Variants in PLAGL1 observed in about 807,000 individuals in gnomAD.
PLAGL1 encodes zinc finger protein PLAGL1.
Under a neutral mutation model 4.6 loss-of-function variants are expected in PLAGL1, and 1 was observed. That is an observed-to-expected ratio of 0.22 (90% CI 0.08 to 1.03). PLAGL1 has a LOEUF of 1.03. Among genes scored for constraint, PLAGL1 ranks in the 50% least tolerant of loss-of-function variants. PLAGL1 has a pLI of 0.58. For synonymous variants in PLAGL1, 240 were observed against 237.8 expected (o/e 1.01, Z -0.08); for missense variants, 464 against 570.4 (o/e 0.81, Z 1.90).
At position 143,941,804 on chromosome 6, in the gene PLAGL1, C is replaced by T. The variant is rs1207634761; in HGVS notation, c.1012G>A (p.Glu338Lys). ...ISLFEDLPLQ[E>K]PQSPQKLNPG... ...TTGAGCTTTTGAGGTGACTGAGGCTCTTGCAGAGGCAAGTCCTCAAACAAA... is the reference window on the plus strand; with the variant it reads ...TTGAGCTTTTGAGGTGACTGAGGCTTTTGCAGAGGCAAGTCCTCAAACAAA... The change falls in exon 8 of 8, where the codon GAG becomes AAG. Residue 338 changes from glutamate (E) to lysine (K), a missense_variant. Coordinates refer to ENST00000674357, the MANE Select transcript of PLAGL1 (RefSeq NM_001317162.2). The surrounding 1 kb of genome is among the most constrained non-coding windows in gnomAD (Gnocchi z 6.0). The T allele has an allele frequency of 1.2e-6, 2 of 1,614,140 alleles. No homozygotes were observed. Among genetic ancestry groups the T allele is most frequent in the African/African-American group, 2.7e-5 (2 of 74,952 alleles).
At chr6:143,980,427 A>G (rs1205178893) in intron 2 of PLAGL1, among the ~76,000 whole-genome samples, 1 of 130,370 alleles carries the variant, frequency 7.7e-6, no homozygotes, top group African/African-American at 2.9e-5. Context: ...CTCATTTTGT[A>G]TAATTGCTAT....
At chr6:144,037,211 C>G (rs968704396) in intron 1 of PLAGL1, 1 of 153,378 alleles carries the variant, frequency 6.5e-6, no homozygotes, top group African/African-American at 2.4e-5. Flanking sequence ...AGACAACTCT[C>G]TAAAACAGAG....
intron 2 of PLAGL1, among the ~76,000 whole-genome samples, chr6:143,977,510 A>G (rs556433654): frequency 5.1e-5 from 6 of 117,246 alleles, no homozygotes; most frequent in Admixed American, 2.6e-4. Flanking sequence ...GTCTGGCTCA[A>G]TCGCCCAGAC....
rs373156842 is a variant in PLAGL1 at position 143,942,099 on chromosome 6, C to T, written c.717G>A (p.Leu239=). The T allele has an allele frequency of 8.7e-6, 14 of 1,614,032 alleles. No individual in the cohort carries two copies. Among genetic ancestry groups the T allele is most frequent in the Middle Eastern group, 3.3e-4 (2 of 6,062 alleles). ...CAGAAGCTCCTAAAGGGAAAGGAGG[C>T]AAGGCAGCAGCCTTCAGTTGGAATG... The part of the protein sequence containing the change: ...SPSFQLKAAA[L]PPFPLGASAQ... The change falls in exon 8 of 8, where the codon TTG becomes TTA. Residue 239 remains leucine, a synonymous_variant. Coordinates refer to ENST00000674357, the MANE Select transcript of PLAGL1 (RefSeq NM_001317162.2). The surrounding 1 kb of genome is among the most constrained non-coding windows in gnomAD (Gnocchi z 7.6).
chr6:143,990,008 T>C lies in PLAGL1; in HGVS notation c.-583-4834A>G, dbSNP rs1790087351. Among the ~76,000 whole-genome samples, 1 of 152,206 alleles carries C rather than the reference T, an allele frequency of 6.6e-6. No homozygotes were observed. The highest frequency in any genetic ancestry group is 1.5e-5 in the Non-Finnish European group (1 of 68,030). On this transcript the variant is annotated intron_variant, in intron 1 of 7. Transcript: ENST00000674357. The surrounding 1 kb of genome is among the most constrained non-coding windows in gnomAD (Gnocchi z 5.4). ...TATCCACAGGAGGATGCACCCTCCCTAAAACCAGAGGCCAACTCCACCTCT... is the reference window on the plus strand; with the variant it reads ...TATCCACAGGAGGATGCACCCTCCCCAAAACCAGAGGCCAACTCCACCTCT...
In PLAGL1 at chr6:143,941,899, G is replaced by A. The variant is rs767601739; in HGVS notation, c.917C>T (p.Thr306Ile). The change falls in exon 8 of 8, where the codon ACT (threonine) becomes ATT (isoleucine). Residue 306 changes from threonine to isoleucine, a missense_variant. By Grantham distance (89) the Thr-to-Ile change is moderately conservative. Coordinates refer to ENST00000674357, the MANE Select transcript of PLAGL1 (RefSeq NM_001317162.2). This position sits in a 1 kb window ranked among gnomAD's most constrained non-coding sequence, Gnocchi z 6.0. Reference protein sequence around the residue: ...PPLPNHKYNTTSTSYSPLASL... With the variant: ...PPLPNHKYNTISTSYSPLASL... Reference sequence around the variant, plus strand: ...TGCAAGTGGGGAGTATGAGGTAGAAGTGGTGTTGTACTTGTGATTGGGAAG... The same window carrying A: ...TGCAAGTGGGGAGTATGAGGTAGAAATGGTGTTGTACTTGTGATTGGGAAG... 6.2e-7 allele frequency: 1 copy of A among 1,613,854 alleles called. No individual in the cohort carries two copies. Among genetic ancestry groups the A allele is most frequent in the East Asian group, 2.2e-5 (1 of 44,880 alleles).
At position 143,952,043 on chromosome 6, in the gene PLAGL1, G is replaced by A. The variant is rs1184745705; in HGVS notation, c.-324-3583C>T. Among the ~76,000 whole-genome samples, 1 of 152,002 alleles carries A rather than the reference G, an allele frequency of 6.6e-6. No homozygotes were observed. The highest frequency in any genetic ancestry group is 1.5e-5 in the Non-Finnish European group (1 of 68,000). Reference sequence around the variant, plus strand: ...TAATAATAAACTTCTGTAAAAACAAGACTGTCTACCCCAACAGACTATAAA... The same window carrying A: ...TAATAATAAACTTCTGTAAAAACAAAACTGTCTACCCCAACAGACTATAAA... On this transcript the variant is annotated intron_variant, in intron 6 of 7. Transcript: ENST00000674357. The surrounding 1 kb of genome is among the most constrained non-coding windows in gnomAD (Gnocchi z 6.1).
intron 1 of PLAGL1, among the ~76,000 whole-genome samples, chr6:144,025,988 C>T (rs936232845): frequency 1.3e-5 from 2 of 152,126 alleles, no homozygotes; most frequent in African/African-American, 2.4e-5. Context: ...ATATATAACA[C>T]GAATACTAAG....
rs1799210829 is a variant in PLAGL1 at position 144,059,217 on chromosome 6, C to G, written c.-151+5251G>C. ...TTATGGCACCTTGCACTCCCCAAAG[C>G]CACAGCCGGAGCTCTACCTGGGGCC... On this transcript the variant is annotated intron_variant, in intron 1 of 3. Coordinates refer to the PLAGL1 transcript ENST00000437412. The surrounding 1 kb of genome is among the most constrained non-coding windows in gnomAD (Gnocchi z 4.9). 6.6e-6 allele frequency among the ~76,000 whole-genome samples: 1 copy of G among 152,248 alleles called. No individual in the cohort carries two copies.
Position 143,941,832 on chromosome 6 carries a change from G to T in PLAGL1, c.984C>A (p.Ile328=). Residue 328 remains isoleucine (I), a synonymous_variant, in exon 8 of 8, where the codon ATC becomes ATA. Transcript: ENST00000674357. This position sits in a 1 kb window ranked among gnomAD's most constrained non-coding sequence, Gnocchi z 6.0. ...GCAGAGGCAAGTCCTCAAACAAACT[G>T]ATATTGCAAAAACCTTTAGTATCTG... ...LKADTKGFCN[I]SLFEDLPLQE... 1 of 1,614,194 alleles carries T rather than the reference G, an allele frequency of 6.2e-7. No individual in the cohort carries two copies. Among genetic ancestry groups the T allele is most frequent in the Non-Finnish European group, 8.5e-7 (1 of 1,180,026 alleles).
Position 144,027,223 on chromosome 6 carries a change from C to CAAAGAATGAAAGAAAGAAAGAAAG in PLAGL1, c.-151+37244_-151+37245insCTTTCTTTCTTTCTTTCATTCTTT, listed in dbSNP as rs1194756749. The stretch of plus-strand genomic sequence containing the variant: ...TGGGTGACAGAGAAAGACCCCAACT[C>CAAAGAATGAAAGAAAGAAAGAAAG]AAAGAACGAACGAAAGAAAGAAAGA... On this transcript the variant is annotated intron_variant, in intron 1 of 3. Coordinates refer to the PLAGL1 transcript ENST00000437412. The surrounding 1 kb of genome is among the most constrained non-coding windows in gnomAD (Gnocchi z 5.8). Among the ~76,000 whole-genome samples the CAAAGAATGAAAGAAAGAAAGAAAG allele has an allele frequency of 2.1e-5, 2 of 96,702 alleles. No individual in the cohort carries two copies. The highest frequency in any genetic ancestry group is 1.0e-4 in the Admixed American group (1 of 9,626). 63.4% of individuals were successfully genotyped at this position (96,702 alleles called of 152,430 possible).
intron 1 of PLAGL1, among the ~76,000 whole-genome samples, chr6:143,991,058 CTTAG>C (rs1790367509): frequency 6.6e-6 from 1 of 152,146 alleles, no homozygotes; most frequent in South Asian, 2.1e-4. Flanking sequence ...TTCATTGTTT[CTTAG>C]TTGTTTCCAT....
rs554586590 is a variant in PLAGL1, at chr6:143,974,398, G to T, written c.-543-5420C>A. 3.2e-3 allele frequency among the ~76,000 whole-genome samples: 427 copies of T among 132,882 alleles called. 2 individuals are homozygous for T. The highest frequency in any genetic ancestry group is 0.012 in the African/African-American group (413 of 35,468). The allele number at this position is 132,882 out of a possible 152,430, so 87.2% of individuals were successfully genotyped here. A position where few individuals can be genotyped will look rare whatever the true frequency, so the allele number is the denominator to read the frequency against. ...GTACTGATCTCGGTGGTGGGGTTGCGGGGGAGGTCACCAGTGACCTCCAGG... is the reference window on the plus strand; with the variant it reads ...GTACTGATCTCGGTGGTGGGGTTGCTGGGGAGGTCACCAGTGACCTCCAGG... On this transcript the variant is annotated intron_variant, in intron 2 of 7. Transcript: ENST00000674357.
chr6:143,997,002 C>T lies in PLAGL1; in HGVS notation c.-584+11088G>A, dbSNP rs1029287363. 7.9e-5 allele frequency among the ~76,000 whole-genome samples: 12 copies of T among 151,916 alleles called. No homozygotes were observed. The highest frequency in any genetic ancestry group is 1.6e-4 in the Non-Finnish European group (11 of 67,992). On this transcript the variant is annotated intron_variant, in intron 1 of 7. Coordinates refer to ENST00000674357, the MANE Select transcript of PLAGL1 (RefSeq NM_001317162.2). The surrounding 1 kb of genome is among the most constrained non-coding windows in gnomAD (Gnocchi z 4.6). ...GACAAAAGACAAACCACTAAAAACC[C>T]GATAAACTGGATTTCATTAAGACAC...
At chr6:144,057,768 G>A (rs1000136884) in intron 1 of PLAGL1, among the ~76,000 whole-genome samples, 1 of 131,968 alleles carries the variant, frequency 7.6e-6, no homozygotes, top group African/African-American at 2.8e-5. Context: ...ACACCACCAC[G>A]CCTCACCATT....
At chr6:144,038,717 AAATC>A (rs1797472430) in intron 1 of PLAGL1, among the ~76,000 whole-genome samples, 4 of 152,262 alleles carry the variant, frequency 2.6e-5, no homozygotes, top group Admixed American at 2.6e-4. Context: ...CTGTGTGAAG[AAATC>A]AATCACAAAG....
At chr6:143,956,443 G>A (rs904098732) in intron 6 of PLAGL1, among the ~76,000 whole-genome samples, 1 of 152,138 alleles carries the variant, frequency 6.6e-6, no homozygotes, top group Admixed American at 6.5e-5. Flanking sequence ...GGCCTATGGT[G>A]ATAAAAATGA....
rs376585306 is a variant in PLAGL1, at chr6:144,048,518, C to G, written c.-151+15950G>C. On this transcript the variant is annotated intron_variant, in intron 1 of 3. Coordinates refer to the PLAGL1 transcript ENST00000437412. The surrounding 1 kb of genome is among the most constrained non-coding windows in gnomAD (Gnocchi z 4.8). ...CAAACCTTGATTCTTGACTTCTGTG[C>G]ACCCTCAGACCCAACACTATATGGA... Among the ~76,000 whole-genome samples the G allele has an allele frequency of 3.0e-4, 45 of 152,364 alleles. 1 individual carries two copies. In the East Asian group the frequency reaches 8.3e-3, roughly 28 times the overall value.
Position 143,962,289 on chromosome 6 carries a change from A to G in PLAGL1, c.-398-1747T>C, listed in dbSNP as rs1228464136. On this transcript the variant is annotated intron_variant, in intron 5 of 7. Coordinates refer to ENST00000674357, the MANE Select transcript of PLAGL1 (RefSeq NM_001317162.2). This position sits in a 1 kb window ranked among gnomAD's most constrained non-coding sequence, Gnocchi z 5.3. ...GGATGCTACTTGCAGATTGCTTTTC[A>G]GGTCAGAATTTAGATTTCTAAAGCA... 6.6e-6 allele frequency among the ~76,000 whole-genome samples: 1 copy of G among 152,250 alleles called. No homozygotes were observed. Among genetic ancestry groups the G allele is most frequent in the Non-Finnish European group, 1.5e-5 (1 of 68,038 alleles).
Sources: gnomAD v4.1 joint callset for allele counts (sites outside exome capture counted in the v4.1 genomes callset) on GRCh38, gnomAD v4.1.1 for gene constraint, Gnocchi (gnomAD v3.1) non-coding constraint, MANE v1.5 for transcripts, NCBI Gene and HGNC (gene_info 2026-07-23, HGNC 2026-07-21) for gene names.